Variants in DMXL2 observed in about 807,000 individuals in gnomAD.
The protein encoded by DMXL2 is Dmx like 2, also known as dmX-like protein 2.
In DMXL2, 103 loss-of-function variants were observed where a neutral mutation model predicts 331.1. That is an observed-to-expected ratio of 0.31 (90% confidence interval 0.27 to 0.37). DMXL2 has a LOEUF of 0.37. DMXL2 is among the 10% of genes least tolerant of loss of function. The pLI is 1.00. For missense variants in DMXL2, 3,171 were observed against 3,642.9 expected (o/e 0.87, Z 3.33); for synonymous variants, 1,281 against 1,252.1 (o/e 1.02, Z -0.49).
chr15:51,519,645 T>TG (rs2047236413), intron 13 of DMXL2, among the ~76,000 whole-genome samples: 1 of 145,478 alleles, frequency 6.9e-6, no homozygotes. Context: ...TGTTTTTTTT[T>TG]TTTTTTTTTT....
At chr15:51,608,910 G>C (rs2053773399) in intron 1 of DMXL2, among the ~76,000 whole-genome samples, 1 of 152,144 alleles carries the variant, frequency 6.6e-6, no homozygotes, top group African/African-American at 2.4e-5. Flanking sequence ...GAAGAGCAAA[G>C]TAACATATGG....
intron 33 of DMXL2, among the ~76,000 whole-genome samples, chr15:51,460,831 A>C (rs953829168): frequency 6.6e-6 from 1 of 152,184 alleles, no homozygotes; most frequent in Non-Finnish European, 1.5e-5. Context: ...TTTTCTTAAT[A>C]AAACACCTTT....
chr15:51,448,934 CT>C lies in DMXL2; in HGVS notation c.*49del. The C allele has an allele frequency of 6.4e-7, 1 of 1,555,788 alleles. No individual in the cohort carries two copies. Among genetic ancestry groups the C allele is most frequent in the East Asian group, 2.3e-5 (1 of 43,654 alleles). On this transcript the variant is annotated 3_prime_UTR_variant, in exon 44 of 44. Transcript: ENST00000560891. Reference sequence around the variant, plus strand: ...AGAAAGCAGAATTGCCTAGTGATGACTGTAGTGTGCCTTTTAACTGAAATGT... The same window carrying C: ...AGAAAGCAGAATTGCCTAGTGATGACGTAGTGTGCCTTTTAACTGAAATGT...
chr15:51,480,757 C>T lies in DMXL2; in HGVS notation c.6349G>A (p.Asp2117Asn). ...TCATAGGAACCAATATCTGGTTTGT[C>T]TACCATTTCTTCCTGATCCAGCAGA... ...SDLLDQEEMV[D>N]KPDIGSYERH... Residue 2117 changes from aspartate (D) to asparagine (N), a missense_variant, in exon 24 of 44, where the codon GAC becomes AAC. Around this residue, in one of 7 missense-constraint regions of DMXL2, gnomAD observed 197 missense variants for 196.2 expected, o/e 1.00. Coordinates refer to ENST00000560891, the MANE Select transcript of DMXL2 (RefSeq NM_001378457.1). 6.2e-7 allele frequency: 1 copy of T among 1,600,604 alleles called. No homozygotes were observed. Among genetic ancestry groups the T allele is most frequent in the Non-Finnish European group, 8.5e-7 (1 of 1,170,846 alleles).
intron 43 of DMXL2, 127 bp downstream of exon 43, chr15:51,450,002 T>C (rs1272909293): frequency 2.5e-6 from 2 of 796,764 alleles, no homozygotes; most frequent in South Asian, 1.8e-5. Flanking sequence ...AGTGTTGAGA[T>C]ATGCAGTATC....
At chr15:51,514,586 GT>G in intron 14 of DMXL2, 27 bp from the exon 15 acceptor site, 1 of 1,427,436 alleles carries the variant, frequency 7.0e-7, no homozygotes, top group South Asian at 1.2e-5. Flanking sequence ...AAATGAAGAG[GT>G]TTTATCTTTG....
chr15:51,616,436 T>C (rs2054289387), intron 1 of DMXL2, among the ~76,000 whole-genome samples: 1 of 152,158 alleles, frequency 6.6e-6, no homozygotes, highest in Non-Finnish European at 1.5e-5. Context: ...TTACATCAAA[T>C]TCCAGGATTA....
chr15:51,505,581 A>G (rs2046353089), intron 16 of DMXL2, among the ~76,000 whole-genome samples: 1 of 152,244 alleles, frequency 6.6e-6, no homozygotes, highest in African/African-American at 2.4e-5. Context: ...ATATAATGCA[A>G]AGAATTAACT....
chr15:51,503,332 A>G (rs2043817317), intron 16 of DMXL2, among the ~76,000 whole-genome samples: 1 of 152,240 alleles, frequency 6.6e-6, no homozygotes, highest in Non-Finnish European at 1.5e-5. Flanking sequence ...AGTATCCATC[A>G]ATGAATAAAT....
chr15:51,471,246 T>A lies in DMXL2; in HGVS notation c.7369A>T (p.Met2457Leu). 2 of 1,613,950 alleles carry A rather than the reference T, an allele frequency of 1.2e-6. No homozygotes were observed. The change falls in exon 29 of 44, where the codon ATG becomes TTG. Residue 2457 changes from methionine to leucine, a missense_variant. This residue lies in a region of DMXL2 where 766 missense variants were observed against 940.5 expected (regional missense o/e 0.81). Coordinates refer to ENST00000560891, the MANE Select transcript of DMXL2 (RefSeq NM_001378457.1). ...KEKFIPPELS[M>L]WDYFVAKPFL... is the part of the protein sequence containing the mutation. ...ACCTTTGCAACAAAATAATCCCACA[T>A]ACTAAGTTCGGGAGGAATAAATTTT...
Position 51,572,834 on chromosome 15 carries a change from A to G in DMXL2, c.213+3222T>C, listed in dbSNP as rs551273231. Among the ~76,000 whole-genome samples, 5 of 152,296 alleles carry G rather than the reference A, an allele frequency of 3.3e-5. No homozygotes were observed. In the South Asian group the frequency reaches 1.0e-3, roughly 32 times the overall value. On this transcript the variant is annotated intron_variant, in intron 2 of 43. Coordinates refer to ENST00000560891, the MANE Select transcript of DMXL2 (RefSeq NM_001378457.1). ...ACAAACCCACAGCCAATATCATACT[A>G]AATGGGCAAAAACTGGAAGCATTCC... is the stretch of plus-strand genomic sequence containing the variant.
rs113692740 is a variant in DMXL2 at position 51,543,964 on chromosome 15, T to C, written c.931-1457A>G. Among the ~76,000 whole-genome samples, 1,147 of 152,292 alleles carry C rather than the reference T, an allele frequency of 7.5e-3. 16 individuals carry two copies. Among genetic ancestry groups the C allele is most frequent in the African/African-American group, 0.026 (1,096 of 41,554 alleles). ...TAATTTGAAGATAAAACACGTTACA[T>C]AAGTATAAGTAAGTGATCACAAATA... On this transcript the variant is annotated intron_variant, in intron 8 of 43. Coordinates refer to ENST00000560891, the MANE Select transcript of DMXL2 (RefSeq NM_001378457.1).
chr15:51,467,880 C>A (rs1280067652), intron 29 of DMXL2, among the ~76,000 whole-genome samples: 1 of 152,130 alleles, frequency 6.6e-6, no homozygotes, highest in East Asian at 1.9e-4. Flanking sequence ...GCACCTGCCA[C>A]CACGCCCGGC....
At chr15:51,451,848 G>T in intron 41 of DMXL2, 151 bp from the exon 42 acceptor site, 1 of 639,194 alleles carries the variant, frequency 1.6e-6, no homozygotes, top group Non-Finnish European at 2.8e-6. Flanking sequence ...TTCCCAACTA[G>T]GATGGGGGTA....
At chr15:51,607,909 A>G (rs886924583) in intron 1 of DMXL2, among the ~76,000 whole-genome samples, 1 of 152,112 alleles carries the variant, frequency 6.6e-6, no homozygotes, top group African/African-American at 2.4e-5. Context: ...ATGAAACAAA[A>G]TAGGCTGGGC....
intron 16 of DMXL2, among the ~76,000 whole-genome samples, chr15:51,503,952 C>G (rs1434026193): frequency 2.6e-5 from 4 of 151,624 alleles, no homozygotes; most frequent in Non-Finnish European, 2.9e-5. Flanking sequence ...CAATTTTACT[C>G]TTTCTTAGCA....
chr15:51,559,750 G>A (rs1377293521), intron 6 of DMXL2, among the ~76,000 whole-genome samples: 3 of 151,936 alleles, frequency 2.0e-5, no homozygotes, highest in South Asian at 2.1e-4. Flanking sequence ...AAAACTACAC[G>A]GAGGTGGTAC....
chr15:51,470,640 A>G (rs754816863), intron 29 of DMXL2, among the ~76,000 whole-genome samples: 1 of 152,338 alleles, frequency 6.6e-6, no homozygotes, highest in South Asian at 2.1e-4. Flanking sequence ...TAACACATGT[A>G]AAGAGGGAAA....
In DMXL2 at chr15:51,556,337, T is replaced by C. The variant is rs539919100; in HGVS notation, c.567+7044A>G. 5.0e-3 allele frequency among the ~76,000 whole-genome samples: 521 copies of C among 104,182 alleles called. 2 individuals are homozygous for C. The highest frequency in any genetic ancestry group is 0.018 in the African/African-American group (455 of 24,634). 68.3% of individuals were successfully genotyped at this position (104,182 alleles called of 152,430 possible). On this transcript the variant is annotated intron_variant, in intron 6 of 43. Coordinates refer to ENST00000560891, the MANE Select transcript of DMXL2 (RefSeq NM_001378457.1). ...CACCCTGGGTGACAGAGCGAGACAC[T>C]GTCTCAAAAAAAAAAAAGAAAAAAA...
Sources: gnomAD v4.1 joint callset for allele counts (sites outside exome capture counted in the v4.1 genomes callset) on GRCh38, gnomAD v4.1.1 for gene constraint, gnomAD v4.1.1 regional missense constraint, MANE v1.5 for transcripts, NCBI Gene and HGNC (gene_info 2026-07-23, HGNC 2026-07-21) for gene names.